Variants in DPP10 observed in about 807,000 individuals in gnomAD.
DPP10 encodes the protein inactive dipeptidyl peptidase 10.
DPP10 carries 33 observed loss-of-function variants against 120.9 expected under a neutral mutation model. That is an observed-to-expected ratio of 0.27 (90% confidence interval 0.21 to 0.37). The LOEUF (loss-of-function observed/expected upper bound fraction) is 0.37, where lower values mean the gene tolerates loss of function less well. Among genes scored for constraint, DPP10 ranks in the 10% least tolerant of loss-of-function variants. The pLI, the probability that DPP10 is intolerant of heterozygous loss-of-function variation, is 1.00. For missense variants in DPP10, 816 were observed against 942.8 expected (o/e 0.87, Z 1.76); for synonymous variants, 337 against 326.1 (o/e 1.03, Z -0.36).
At chr2:114,601,882 G>A (rs1692397814) in intron 1 of DPP10, among the ~76,000 whole-genome samples, 1 of 151,866 alleles carries the variant, frequency 6.6e-6, no homozygotes, top group Non-Finnish European at 1.5e-5. Flanking sequence ...CTTGTTGATT[G>A]GGGGAAAATT....
intron 8 of DPP10, among the ~76,000 whole-genome samples, chr2:115,739,287 C>T (rs1270379448): frequency 6.6e-6 from 1 of 151,222 alleles, no homozygotes; most frequent in Non-Finnish European, 1.5e-5. Flanking sequence ...GAAAGATACC[C>T]AGTATACTTC....
intron 1 of DPP10, among the ~76,000 whole-genome samples, chr2:114,932,559 A>G (rs966190875): frequency 1.3e-5 from 2 of 152,218 alleles, no homozygotes; most frequent in African/African-American, 4.8e-5. Context: ...AAGAATATGT[A>G]TGTTCTATGT....
chr2:114,959,957 T>C (rs1380496501), intron 1 of DPP10, among the ~76,000 whole-genome samples: 1 of 152,182 alleles, frequency 6.6e-6, no homozygotes, highest in Non-Finnish European at 1.5e-5. Flanking sequence ...CCAGCAGTGT[T>C]TGAGGATTCT....
rs563282772 is a variant in DPP10 at position 115,187,061 on chromosome 2, G to A, written c.61-122178G>A. 1.8e-3 allele frequency among the ~76,000 whole-genome samples: 209 copies of A among 118,912 alleles called. 3 individuals carry two copies. The highest frequency in any genetic ancestry group is 6.6e-3 in the African/African-American group (197 of 30,058). 78.0% of individuals were successfully genotyped at this position (118,912 alleles called of 152,430 possible). ...TTTTTTTTTTTTTTTTTTTTGAGAC[G>A]GAGTTTCGCTCTGTCGGGCCTGCGG... is the stretch of plus-strand genomic sequence containing the variant. On this transcript the variant is annotated intron_variant, in intron 1 of 25. Coordinates refer to ENST00000410059, the MANE Select transcript of DPP10 (RefSeq NM_020868.6).
At chr2:115,483,044 C>A (rs1051020984) in intron 3 of DPP10, among the ~76,000 whole-genome samples, 1 of 151,928 alleles carries the variant, frequency 6.6e-6, no homozygotes, top group Non-Finnish European at 1.5e-5. Context: ...ATATTTTCTT[C>A]TAAAAAGAGT....
chr2:115,528,417 CATAA>C (rs966469470), intron 5 of DPP10, among the ~76,000 whole-genome samples: 12 of 149,688 alleles, frequency 8.0e-5, no homozygotes, highest in Non-Finnish European at 1.2e-4. Context: ...AATTATACCA[CATAA>C]ATAAACCAAC....
At chr2:115,663,049 G>A (rs1012623554) in intron 5 of DPP10, among the ~76,000 whole-genome samples, 1 of 151,550 alleles carries the variant, frequency 6.6e-6, no homozygotes. Context: ...ATATTTGGGG[G>A]GCACATGAGA....
At chr2:115,337,992 C>CT (rs2063246725) in intron 2 of DPP10, among the ~76,000 whole-genome samples, 2 of 151,898 alleles carry the variant, frequency 1.3e-5, no homozygotes. Context: ...ATTTGAATTG[C>CT]TTTGAAGGGT....
intron 1 of DPP10, among the ~76,000 whole-genome samples, chr2:114,988,254 A>C (rs888790235): frequency 5.3e-5 from 8 of 152,220 alleles, no homozygotes; most frequent in African/African-American, 1.9e-4. Flanking sequence ...TCACTGAAGC[A>C]ATCGTTCCAA....
intron 1 of DPP10, among the ~76,000 whole-genome samples, chr2:114,516,033 T>C (rs183363515): frequency 2.2e-4 from 33 of 152,358 alleles, no homozygotes; most frequent in African/African-American, 7.7e-4. Context: ...GAGGGTTTGT[T>C]AAAACACAGC....
At chr2:114,564,764 G>A (rs917159598) in intron 1 of DPP10, among the ~76,000 whole-genome samples, 1 of 152,140 alleles carries the variant, frequency 6.6e-6, no homozygotes, top group East Asian at 1.9e-4. Context: ...AAGCAGGGAA[G>A]GAGAAAGAAT....
chr2:115,767,014 G>A (rs993577521), intron 12 of DPP10, among the ~76,000 whole-genome samples: 2 of 152,150 alleles, frequency 1.3e-5, no homozygotes, highest in South Asian at 2.1e-4. Flanking sequence ...TATATCAGGT[G>A]CTATGGAAAA....
chr2:114,574,309 A>T (rs917190506), intron 1 of DPP10, among the ~76,000 whole-genome samples: 1 of 152,156 alleles, frequency 6.6e-6, no homozygotes, highest in Non-Finnish European at 1.5e-5. Context: ...AGAAATAGGA[A>T]GAGGAGAGCA....
intron 21 of DPP10, among the ~76,000 whole-genome samples, chr2:115,830,926 A>T (rs1688852918): frequency 6.6e-6 from 1 of 152,124 alleles, no homozygotes; most frequent in African/African-American, 2.4e-5. Flanking sequence ...CAATTGAGGG[A>T]GGGCCTCTCA....
chr2:114,994,681 T>C (rs1558966141), intron 1 of DPP10, among the ~76,000 whole-genome samples: 1 of 152,194 alleles, frequency 6.6e-6, no homozygotes, highest in Non-Finnish European at 1.5e-5. Flanking sequence ...TACTTACTCA[T>C]TATATTCTTT....
chr2:115,085,117 C>T (rs539995623), intron 1 of DPP10, among the ~76,000 whole-genome samples: 1 of 152,326 alleles, frequency 6.6e-6, no homozygotes, highest in East Asian at 1.9e-4. Context: ...AAGGCTTAGA[C>T]CACCTGAAAT....
intron 5 of DPP10, among the ~76,000 whole-genome samples, chr2:115,633,923 C>A (rs915438336): frequency 5.9e-5 from 9 of 152,176 alleles, no homozygotes; most frequent in Non-Finnish European, 1.0e-4. Context: ...CTACCCCTAT[C>A]AGTCATAGGT....
chr2:114,774,676 T>G (rs990019588), intron 1 of DPP10, among the ~76,000 whole-genome samples: 2 of 150,478 alleles, frequency 1.3e-5, no homozygotes, highest in Admixed American at 1.3e-4. Flanking sequence ...TATATATATA[T>G]ATATACTCTA....
chr2:114,629,702 A>T (rs1379716823), intron 1 of DPP10, among the ~76,000 whole-genome samples: 1 of 152,210 alleles, frequency 6.6e-6, no homozygotes, highest in Non-Finnish European at 1.5e-5. Flanking sequence ...CACTCTAAAG[A>T]AAGATTAGAC....
Sources: allele counts gnomAD v4.1 joint callset (sites outside exome capture counted in the v4.1 genomes callset), GRCh38; gene constraint gnomAD v4.1.1; transcripts MANE v1.5; gene names NCBI Gene and HGNC (gene_info 2026-07-23, HGNC 2026-07-21).